WLS: variants seen among roughly 807,000 people sequenced by gnomAD.
WLS encodes protein wntless homolog.
Under a neutral mutation model 62.8 loss-of-function variants are expected in WLS, and 23 were observed. The ratio of observed to expected loss-of-function variants is 0.37; its 90% CI spans 0.26 to 0.52. WLS has a LOEUF of 0.52. Among genes scored for constraint, WLS ranks in the 20% least tolerant of loss-of-function variants. The pLI, the probability that WLS is intolerant of heterozygous loss-of-function variation, is 0.92. For synonymous variants in WLS, 246 were observed against 244.1 expected, an observed-to-expected ratio of 1.01 and a Z score of -0.07; for missense variants, 615 against 697.3, an observed-to-expected ratio of 0.88 and a Z score of 1.33.
chr1:68,141,839 T>C (rs1646690336), intron 10 of WLS: 1 of 152,042 alleles, frequency 6.6e-6, no homozygotes. Context: ...ACACTGAGAG[T>C]TATGCCGGAA....
intron 2 of WLS, chr1:68,162,045 G>T (rs1646983708): frequency 3.8e-6 from 6 of 1,591,684 alleles, no homozygotes; most frequent in Admixed American, 3.5e-5. Context: ...AGCTTTCTGG[G>T]ATGTGACCTG....
chr1:68,189,841 C>T (rs1004380565), intron 2 of WLS, among the ~76,000 whole-genome samples: 4 of 152,130 alleles, frequency 2.6e-5, no homozygotes, highest in African/African-American at 9.7e-5. Flanking sequence ...CGAGACCAGT[C>T]TGGCCAACAT....
chr1:68,224,124 T>G (rs534201461), intron 1 of WLS, among the ~76,000 whole-genome samples: 1 of 152,306 alleles, frequency 6.6e-6, no homozygotes, highest in East Asian at 1.9e-4. Context: ...TAACCAGATG[T>G]TTAAGAAGAC....
intron 11 of WLS, among the ~76,000 whole-genome samples, chr1:68,107,559 T>C (rs1015518086): frequency 2.6e-5 from 4 of 152,210 alleles, no homozygotes; most frequent in African/African-American, 9.7e-5. Flanking sequence ...CCTGGCAGGA[T>C]AGCACAGGAG....
At chr1:68,182,067 T>G (rs1046959904) in intron 2 of WLS, among the ~76,000 whole-genome samples, 1 of 152,216 alleles carries the variant, frequency 6.6e-6, no homozygotes, top group African/African-American at 2.4e-5. Flanking sequence ...GAGACTAATC[T>G]AACACAATCT....
At chr1:68,193,389 C>A (rs1570988599) in intron 2 of WLS, among the ~76,000 whole-genome samples, 1 of 70,010 alleles carries the variant, frequency 1.4e-5, no homozygotes, top group African/African-American at 6.0e-5. Context: ...TTTTTAACTG[C>A]AAATAAGCTA....
rs1436630374 is a variant in WLS, at chr1:68,136,457, C to T, written c.1516+1323G>A. Among the ~76,000 whole-genome samples the T allele has an allele frequency of 2.0e-5, 3 of 152,152 alleles. No homozygotes were observed. The East Asian group carries it at 5.8e-4, about 29-fold the overall frequency. ...TAGGACAACAGTTTCAAGAGATACA[C>T]TGCCTAAAGAAAGGGTGCCAGGGCC... On this transcript the variant is annotated intron_variant, in intron 11 of 11. Coordinates refer to ENST00000262348, the MANE Select transcript of WLS (RefSeq NM_024911.7).
intron 11 of WLS, among the ~76,000 whole-genome samples, chr1:68,101,921 C>A (rs1249655652): frequency 6.6e-6 from 1 of 152,218 alleles, no homozygotes; most frequent in Non-Finnish European, 1.5e-5. Context: ...TTCTACTTAG[C>A]TGTTACGGGA....
intron 1 of WLS, among the ~76,000 whole-genome samples, chr1:68,223,006 T>C (rs1456857274): frequency 1.3e-5 from 2 of 152,178 alleles, no homozygotes; most frequent in Non-Finnish European, 2.9e-5. Context: ...GGCATTCTTA[T>C]TCTGAATAGA....
At chr1:68,146,035 AC>A in intron 8 of WLS, 23 bp from the exon 9 acceptor site, 1 of 1,612,162 alleles carries the variant, frequency 6.2e-7, no homozygotes, top group Non-Finnish European at 8.5e-7. Context: ...AGTAAAGGAA[AC>A]AACGGGCTAG....
intron 11 of WLS, among the ~76,000 whole-genome samples, chr1:68,133,878 G>A (rs988500590): frequency 3.3e-5 from 5 of 152,152 alleles, no homozygotes; most frequent in Non-Finnish European, 5.9e-5. Flanking sequence ...TTTGGCATCA[G>A]AAACTGCTTG....
intron 2 of WLS, among the ~76,000 whole-genome samples, chr1:68,186,008 T>G (rs1279572842): frequency 6.6e-6 from 1 of 152,208 alleles, no homozygotes; most frequent in Non-Finnish European, 1.5e-5. Context: ...TGAAGCTATC[T>G]GGGAGTCCCC....
intron 3 of WLS, among the ~76,000 whole-genome samples, chr1:68,158,870 C>A (rs1385277623): frequency 1.3e-5 from 2 of 152,120 alleles, no homozygotes; most frequent in Non-Finnish European, 2.9e-5. Flanking sequence ...ATGGCTAAAG[C>A]TGGGGCAAGG....
intron 1 of WLS, among the ~76,000 whole-genome samples, chr1:68,209,146 G>T (rs528901089): frequency 3.3e-5 from 5 of 152,324 alleles, no homozygotes; most frequent in Admixed American, 3.3e-4. Flanking sequence ...CAAGTTCAGG[G>T]GGGGTGTGGG....
rs111608877 is a variant in WLS at position 68,211,641 on chromosome 1, G to A, written c.107-17414C>T. ...TTTTCCATTCAGTGATTGTTCTAGG[G>A]ACATAGTGCAAAGTGACTGAATCCT... On this transcript the variant is annotated intron_variant, in intron 1 of 11. Coordinates refer to ENST00000262348, the MANE Select transcript of WLS (RefSeq NM_024911.7). Among the ~76,000 whole-genome samples the A allele has an allele frequency of 4.9e-3, 743 of 152,264 alleles. 8 individuals carry two copies. Among genetic ancestry groups the A allele is most frequent in the African/African-American group, 0.017 (706 of 41,534 alleles).
At chr1:68,217,438 C>T (rs1649774009) in intron 1 of WLS, among the ~76,000 whole-genome samples, 1 of 152,156 alleles carries the variant, frequency 6.6e-6, no homozygotes, top group African/African-American at 2.4e-5. Flanking sequence ...GAGGAATAAA[C>T]AAGCTAATTT....
At chr1:68,211,621 C>T (rs181500009) in intron 1 of WLS, among the ~76,000 whole-genome samples, 36 of 152,268 alleles carry the variant, frequency 2.4e-4, no homozygotes, top group African/African-American at 7.5e-4. Flanking sequence ...TTGGATTTTC[C>T]ATTCAGTGAT....
chr1:68,156,413 GTAGGAAGGGGC>G (rs549778398), intron 3 of WLS, among the ~76,000 whole-genome samples: 166 of 152,344 alleles, frequency 1.1e-3, no homozygotes, highest in African/African-American at 3.8e-3. Flanking sequence ...CTAAGAGTAT[GTAGGAAGGGGC>G]TAGGAAGGGG....
intron 1 of WLS, among the ~76,000 whole-genome samples, chr1:68,204,962 T>C (rs1649221243): frequency 6.6e-6 from 1 of 152,240 alleles, no homozygotes; most frequent in Non-Finnish European, 1.5e-5. Context: ...ATGCAAGTCC[T>C]CCAGACCTGA....
Sources: gnomAD v4.1 joint callset for allele counts (sites outside exome capture counted in the v4.1 genomes callset) on GRCh38, gnomAD v4.1.1 for gene constraint, MANE v1.5 for transcripts, NCBI Gene and HGNC (gene_info 2026-07-23, HGNC 2026-07-21) for gene names.